ARMH3: variants seen among roughly 807,000 people sequenced by gnomAD.
The protein encoded by ARMH3 is armadillo like helical domain containing 3, also known as armadillo-like helical domain-containing protein 3.
ARMH3 carries 60 observed loss-of-function variants against 99.1 expected under a neutral mutation model. The observed-to-expected ratio is 0.61, with a 90% confidence interval of 0.49 to 0.75. The LOEUF (loss-of-function observed/expected upper bound fraction) is 0.75. Among genes scored for constraint, ARMH3 ranks in the 30% least tolerant of loss-of-function variants. ARMH3 has a pLI of 0.00. For synonymous variants in ARMH3, 285 were observed against 292.8 expected, an observed-to-expected ratio of 0.97 and a Z score of 0.27; for missense variants, 679 against 843.1, an observed-to-expected ratio of 0.81 and a Z score of 2.41.
At chr10:102,040,253 CT>C in intron 1 of ARMH3, 128 bp from the exon 2 acceptor site, 1 of 759,958 alleles carries the variant, frequency 1.3e-6, no homozygotes, top group Non-Finnish European at 2.2e-6. Context: ...CTAATGTAAA[CT>C]GTGGACTTTG....
intron 20 of ARMH3, among the ~76,000 whole-genome samples, chr10:101,960,188 A>AG (rs1845222615): frequency 6.6e-6 from 1 of 152,164 alleles, no homozygotes; most frequent in African/African-American, 2.4e-5. Flanking sequence ...CAAAAAAAAA[A>AG]AGAACTATCT....
rs367652314 is a variant in ARMH3 at position 101,885,875 on chromosome 10, T to C, written c.1860+3537A>G. Among the ~76,000 whole-genome samples, 4 of 151,532 alleles carry C rather than the reference T, an allele frequency of 2.6e-5. No individual in the cohort carries two copies. In the East Asian group the frequency reaches 5.9e-4, roughly 22 times the overall value. On this transcript the variant is annotated intron_variant, in intron 24 of 25. Coordinates refer to ENST00000370033, the MANE Select transcript of ARMH3 (RefSeq NM_024541.3). The stretch of plus-strand genomic sequence containing the variant: ...TTTGAGACCAGGCTGGCCAACATGG[T>C]GAAACCCCATCTTTACTAAAAAATA...
At chr10:101,990,072 T>G (rs2136000095) in intron 19 of ARMH3, among the ~76,000 whole-genome samples, 1 of 152,354 alleles carries the variant, frequency 6.6e-6, no homozygotes, top group Middle Eastern at 3.4e-3. Context: ...GGTTTGTGCT[T>G]ATTACCTCTT....
At chr10:101,883,039 C>A (rs1014951779) in intron 24 of ARMH3, among the ~76,000 whole-genome samples, 1 of 152,166 alleles carries the variant, frequency 6.6e-6, no homozygotes. Context: ...CAAGAAACTT[C>A]GTGGCAGACC....
chr10:101,882,354 A>G (rs1374295611), intron 24 of ARMH3, among the ~76,000 whole-genome samples: 2 of 152,346 alleles, frequency 1.3e-5, no homozygotes, highest in East Asian at 3.9e-4. Context: ...TCTCTTGCCT[A>G]TAAGGAAGTA....
chr10:102,010,535 T>C (rs568742146), intron 11 of ARMH3, among the ~76,000 whole-genome samples: 1 of 152,326 alleles, frequency 6.6e-6, no homozygotes, highest in African/African-American at 2.4e-5. Flanking sequence ...ATTTTTCAGA[T>C]AACAAAATCT....
intron 23 of ARMH3, among the ~76,000 whole-genome samples, chr10:101,921,940 T>C (rs1239976009): frequency 6.6e-6 from 1 of 152,142 alleles, no homozygotes; most frequent in Non-Finnish European, 1.5e-5. Flanking sequence ...GTGACTACAG[T>C]TACCAACAAT....
chr10:102,055,212 G>T (rs2067811633), intron 1 of ARMH3, among the ~76,000 whole-genome samples: 2 of 151,924 alleles, frequency 1.3e-5, no homozygotes, highest in South Asian at 4.2e-4. Flanking sequence ...CAGGAGAATC[G>T]CTTGAACCCC....
At chr10:102,027,312 A>G (rs1366058460) in intron 5 of ARMH3, among the ~76,000 whole-genome samples, 1 of 151,702 alleles carries the variant, frequency 6.6e-6, no homozygotes, top group African/African-American at 2.4e-5. Flanking sequence ...GAATGAAGGC[A>G]TCACTGTAAT....
chr10:102,048,648 G>T (rs72844697), intron 1 of ARMH3, among the ~76,000 whole-genome samples: 3,036 of 151,912 alleles, frequency 0.02, 37 homozygotes, highest in Non-Finnish European at 0.029. Flanking sequence ...GGCTGGTCTC[G>T]AACTCATCTT....
intron 8 of ARMH3, among the ~76,000 whole-genome samples, chr10:102,019,282 C>A (rs1411513792): frequency 6.6e-6 from 1 of 152,024 alleles, no homozygotes; most frequent in Non-Finnish European, 1.5e-5. Context: ...CTCCTGACCT[C>A]ATGTGATCCA....
intron 2 of ARMH3, among the ~76,000 whole-genome samples, chr10:102,034,069 A>T (rs967061200): frequency 3.3e-5 from 5 of 152,196 alleles, no homozygotes; most frequent in African/African-American, 1.2e-4. Flanking sequence ...AGAGTACACA[A>T]GTTAAGTGAC....
intron 22 of ARMH3, among the ~76,000 whole-genome samples, chr10:101,940,387 A>C (rs1046960925): frequency 6.6e-6 from 1 of 151,980 alleles, no homozygotes; most frequent in East Asian, 1.9e-4. Flanking sequence ...ACTCCTTAAC[A>C]TATAAACTCA....
At chr10:102,030,177 T>C (rs1185422347) in intron 4 of ARMH3, among the ~76,000 whole-genome samples, 1 of 152,068 alleles carries the variant, frequency 6.6e-6, no homozygotes, top group African/African-American at 2.4e-5. Context: ...TGCCTCAGCC[T>C]CCCAAAGTTC....
chr10:101,971,435 T>C (rs1300673620), intron 20 of ARMH3, among the ~76,000 whole-genome samples: 2 of 151,958 alleles, frequency 1.3e-5, no homozygotes, highest in Non-Finnish European at 2.9e-5. Context: ...CCAGGCATAA[T>C]GGTGTGTGCC....
At chr10:101,892,385 G>GGGGGATGA (rs2067714959) in intron 23 of ARMH3, among the ~76,000 whole-genome samples, 1 of 152,186 alleles carries the variant, frequency 6.6e-6, no homozygotes, top group Non-Finnish European at 1.5e-5. Flanking sequence ...CTTGAGCCCA[G>GGGGGATGA]GGGGATGAGG....
At chr10:101,918,503 C>G (rs888264297) in intron 23 of ARMH3, among the ~76,000 whole-genome samples, 5 of 152,304 alleles carry the variant, frequency 3.3e-5, no homozygotes, top group Admixed American at 6.5e-5. Context: ...AGCCTGTAAG[C>G]AAGTTTGGAC....
intron 5 of ARMH3, among the ~76,000 whole-genome samples, chr10:102,028,514 A>C (rs2136190286): frequency 6.6e-6 from 1 of 152,376 alleles, no homozygotes; most frequent in South Asian, 2.1e-4. Context: ...GGAATGGCTA[A>C]ACAAAATATA....
At chr10:101,944,084 T>C (rs1369957706) in intron 22 of ARMH3, among the ~76,000 whole-genome samples, 1 of 148,720 alleles carries the variant, frequency 6.7e-6, no homozygotes, top group Non-Finnish European at 1.5e-5. Flanking sequence ...AAAAAATCTA[T>C]TAGAAATACG....
Sources: gnomAD v4.1 joint callset for allele counts (sites outside exome capture counted in the v4.1 genomes callset) on GRCh38, gnomAD v4.1.1 for gene constraint, MANE v1.5 for transcripts, NCBI Gene and HGNC (gene_info 2026-07-23, HGNC 2026-07-21) for gene names.